Variants in WNK3 observed in about 807,000 individuals in gnomAD.
WNK3 encodes serine/threonine-protein kinase WNK3.
WNK3 carries 18 observed loss-of-function variants against 116.7 expected under a neutral mutation model. That is an observed-to-expected ratio of 0.15 (90% CI 0.11 to 0.23). The LOEUF is 0.23. Among genes scored for constraint, WNK3 ranks in the 10% least tolerant of loss-of-function variants. The pLI is 1.00. For synonymous variants in WNK3, 404 were observed against 469.4 expected (o/e 0.86, Z 1.80); for missense variants, 993 against 1,323.8 (o/e 0.75, Z 3.88).
At chrX:54,303,121 C>T (rs187679182) in intron 5 of WNK3, among the ~76,000 whole-genome samples, 62 of 106,358 alleles carry the variant, frequency 5.8e-4, no homozygotes, top group African/African-American at 1.7e-3. Flanking sequence ...CATCGGTAGA[C>T]GGCAATCAGT....
In WNK3 at chrX:54,202,187, A is replaced by G. The variant is rs1425249218; in HGVS notation, c.4877T>C (p.Leu1626Pro). ...TGATGCTGCATTACTCTCCACACAC[A>G]GTGGATCTATAAGACAAAAAAAACA... The change falls in exon 23 of 24, where the codon CTG (leucine) becomes CCG (proline). Residue 1626 changes from leucine to proline, a missense_variant. Around this residue, in one of 4 missense-constraint regions of WNK3, gnomAD observed 836 missense variants for 976.5 expected, o/e 0.86. Transcript: ENST00000354646. 4 of 1,194,704 alleles carry G rather than the reference A, an allele frequency of 3.3e-6. No homozygotes were observed. In the African/African-American group the frequency reaches 7.0e-5, roughly 21 times the overall value.
chrX:54,308,572 GAT>G (rs1437021113), intron 4 of WNK3, among the ~76,000 whole-genome samples: 4 of 111,809 alleles, frequency 3.6e-5, no homozygotes, highest in African/African-American at 9.7e-5. Context: ...TTTCCATACT[GAT>G]AGAGTGTAAT....
intron 17 of WNK3, among the ~76,000 whole-genome samples, chrX:54,243,143 C>T (rs2068039844): frequency 1.9e-5 from 2 of 107,855 alleles, no homozygotes; most frequent in African/African-American, 3.4e-5. Context: ...CGGCCGGGCA[C>T]GGTGGCTCAC....
intron 22 of WNK3, among the ~76,000 whole-genome samples, chrX:54,204,194 A>G (rs1557142238): frequency 9.0e-6 from 1 of 110,907 alleles, no homozygotes. Flanking sequence ...ATCTTGGCTC[A>G]CTACAACCTC....
intron 10 of WNK3, among the ~76,000 whole-genome samples, chrX:54,286,383 T>C (rs1557163940): frequency 9.0e-6 from 1 of 111,070 alleles, no homozygotes. Flanking sequence ...CCATTATAAT[T>C]TATGCCCTTG....
intron 2 of WNK3, among the ~76,000 whole-genome samples, chrX:54,313,851 T>C (rs1425415508): frequency 9.0e-6 from 1 of 111,273 alleles, no homozygotes; most frequent in Non-Finnish European, 1.9e-5. Flanking sequence ...TAATATCCTG[T>C]CTAATGTTTC....
chrX:54,249,691 AG>A, intron 16 of WNK3, 57 bp from the exon 17 acceptor site: 1 of 1,044,680 alleles, frequency 9.6e-7, no homozygotes, highest in Non-Finnish European at 1.3e-6. Flanking sequence ...AGCACAGACT[AG>A]TACCCTAAGT....
chrX:54,304,382 GA>G (rs1194924538), intron 5 of WNK3, among the ~76,000 whole-genome samples: 16 of 104,428 alleles, frequency 1.5e-4, no homozygotes, highest in South Asian at 4.2e-4. Flanking sequence ...AATATAAAAA[GA>G]AAAAAAAAAT....
intron 10 of WNK3, among the ~76,000 whole-genome samples, chrX:54,270,507 G>A (rs1315871930): frequency 9.4e-6 from 1 of 106,543 alleles, no homozygotes; most frequent in Admixed American, 1.0e-4. Context: ...GGGTTCAAGC[G>A]ATTCTCCTGC....
At chrX:54,218,268 T>C (rs2067720727) in intron 22 of WNK3, among the ~76,000 whole-genome samples, 1 of 111,036 alleles carries the variant, frequency 9.0e-6, no homozygotes, top group African/African-American at 3.3e-5. Context: ...GATTTTGGCA[T>C]ACGCAGGAGT....
exon 20 of WNK3, chrX:54,237,007 A>C (rs782495607): frequency 8.3e-7 from 1 of 1,210,051 alleles, no homozygotes; most frequent in Non-Finnish European, 1.1e-6. Context: ...ATCACTGCTC[A>C]TTGGGGAAGA....
chrX:54,333,889 T>A (rs1293544078), intron 1 of WNK3, 97 bp from the exon 2 acceptor site: 2 of 406,304 alleles, frequency 4.9e-6, no homozygotes, highest in African/African-American at 5.0e-5. Flanking sequence ...TTTTCCTTAA[T>A]AAGAAGTTTA....
rs1603374564 is a variant in WNK3 at position 54,218,484 on chromosome X, A to T, written c.4870+10230T>A. On this transcript the variant is annotated intron_variant, in intron 22 of 23. Coordinates refer to ENST00000354646, the Ensembl canonical transcript of WNK3. The stretch of plus-strand genomic sequence containing the variant: ...ATTATATAGAGGGGCCCATTAAGAG[A>T]TTTTAGTGGGAAAAAGAAATAATCA... 5.5e-5 allele frequency among the ~76,000 whole-genome samples: 6 copies of T among 109,051 alleles called. 1 individual carries two copies. The Admixed American group carries it at 6.0e-4, about 11-fold the overall frequency. The allele number at this position is 109,051 out of a possible 115,157, so 94.7% of individuals were successfully genotyped here.
intron 1 of WNK3, among the ~76,000 whole-genome samples, chrX:54,334,336 C>T (rs1257823028): frequency 8.1e-5 from 9 of 111,603 alleles, no homozygotes; most frequent in African/African-American, 2.3e-4. Flanking sequence ...TTTTAATCAT[C>T]CCAAATTGAA....
At chrX:54,332,072 G>T (rs943859143) in intron 2 of WNK3, among the ~76,000 whole-genome samples, 1 of 111,631 alleles carries the variant, frequency 9.0e-6, no homozygotes, top group Non-Finnish European at 1.9e-5. Context: ...GGTCACAGAG[G>T]TTTTCCTTAT....
At chrX:54,238,876 A>G (rs1557150870) in exon 18 of WNK3, 1 of 1,171,745 alleles carries the variant, frequency 8.5e-7, no homozygotes, top group African/African-American at 1.8e-5. Context: ...ACCTTGACGG[A>G]CTTTTGATCT....
chrX:54,328,969 AAACAGT>A (rs1179397986), intron 2 of WNK3, among the ~76,000 whole-genome samples: 1 of 111,413 alleles, frequency 9.0e-6, no homozygotes, highest in East Asian at 2.8e-4. Flanking sequence ...GGGAACTTTT[AAACAGT>A]AAGTTCCTGG....
exon 20 of WNK3, chrX:54,237,322 T>G: frequency 8.3e-7 from 1 of 1,212,019 alleles, no homozygotes; most frequent in Non-Finnish European, 1.1e-6. Flanking sequence ...GTTGTCACCT[T>G]GTTTGGGAAC....
intron 10 of WNK3, among the ~76,000 whole-genome samples, chrX:54,283,522 C>A (rs2147075940): frequency 9.0e-6 from 1 of 111,239 alleles, no homozygotes; most frequent in African/African-American, 3.3e-5. Flanking sequence ...GTAATCCCAG[C>A]ACTTTGGGAG....
Sources: allele counts gnomAD v4.1 joint callset (sites outside exome capture counted in the v4.1 genomes callset), GRCh38; gene constraint gnomAD v4.1.1; regional missense constraint gnomAD v4.1.1; transcripts MANE v1.5; gene names NCBI Gene and HGNC (gene_info 2026-07-23, HGNC 2026-07-21).